The following MGAT4C variants were observed in gnomAD, a reference collection of about 807,000 sequenced individuals.
MGAT4C encodes alpha-1,3-mannosyl-glycoprotein 4-beta-N-acetylglucosaminyltransferase C.
A neutral mutation model predicts 40.1 loss-of-function variants in MGAT4C; 19 were observed. The ratio of observed to expected loss-of-function variants is 0.47; its 90% CI spans 0.33 to 0.70. The LOEUF (loss-of-function observed/expected upper bound fraction) is 0.70. Among genes scored for constraint, MGAT4C ranks in the 30% least tolerant of loss-of-function variants. The pLI is 0.02. For missense variants in MGAT4C, 491 were observed against 563.2 expected, an observed-to-expected ratio of 0.87 and a Z score of 1.30; for synonymous variants, 181 against 187.1, an observed-to-expected ratio of 0.97 and a Z score of 0.27.
intron 2 of MGAT4C, among the ~76,000 whole-genome samples, chr12:86,479,645 T>G (rs1033118354): frequency 2.0e-5 from 3 of 151,972 alleles, no homozygotes; most frequent in Admixed American, 6.6e-5. Flanking sequence ...TGAATGACTA[T>G]AGTTATAAAA....
chr12:86,440,097 AAG>A (rs1957201349), intron 2 of MGAT4C, among the ~76,000 whole-genome samples: 1 of 152,150 alleles, frequency 6.6e-6, no homozygotes, highest in Admixed American at 6.6e-5. Context: ...ATGATTGAGA[AAG>A]AGGGAATATT....
At chr12:86,044,356 T>C (rs1425166501) in intron 2 of MGAT4C, among the ~76,000 whole-genome samples, 1 of 152,206 alleles carries the variant, frequency 6.6e-6, no homozygotes, top group Non-Finnish European at 1.5e-5. Context: ...TGTTTGCACA[T>C]GCCAGCAGCA....
chr12:86,281,104 G>A (rs1371786439), intron 4 of MGAT4C, among the ~76,000 whole-genome samples: 1 of 151,856 alleles, frequency 6.6e-6, no homozygotes, highest in Admixed American at 6.6e-5. Flanking sequence ...ATACATTTTT[G>A]TTATTTCCTT....
chr12:86,311,756 G>C (rs774897569), intron 4 of MGAT4C, among the ~76,000 whole-genome samples: 46 of 152,216 alleles, frequency 3.0e-4, no homozygotes, highest in Non-Finnish European at 5.3e-4. Flanking sequence ...CTGGGGCTTA[G>C]AGTCTTTGTC....
intron 1 of MGAT4C, among the ~76,000 whole-genome samples, chr12:86,756,020 A>C (rs1212089959): frequency 2.0e-5 from 3 of 151,794 alleles, no homozygotes; most frequent in African/African-American, 7.2e-5. Context: ...TATAATTTTT[A>C]AAGTTTTTTA....
rs1032260476 is a variant in MGAT4C, at chr12:85,962,940, T to C, written c.*16349A>G. The C allele has an allele frequency of 5.3e-5, 8 of 151,856 alleles. No individual in the cohort carries two copies. Among genetic ancestry groups the C allele is most frequent in the African/African-American group, 1.9e-4 (8 of 41,552 alleles). 9.4% of individuals were successfully genotyped at this position (151,856 alleles called of 1,614,324 possible). ...GATAATGAAATATACTTTTCTTACC[T>C]ACTTGCAAAAAAAATTACATAAACA... On this transcript the variant is annotated 3_prime_UTR_variant, in exon 5 of 5. Coordinates refer to ENST00000611864, the MANE Select transcript of MGAT4C (RefSeq NM_001351288.2).
At chr12:86,419,122 A>G (rs1488969663) in intron 3 of MGAT4C, among the ~76,000 whole-genome samples, 1 of 152,124 alleles carries the variant, frequency 6.6e-6, no homozygotes, top group Non-Finnish European at 1.5e-5. Context: ...AAAATATAAC[A>G]TTATTTCTCC....
chr12:86,812,831 A>G (rs1952503484), intron 1 of MGAT4C, among the ~76,000 whole-genome samples: 1 of 152,080 alleles, frequency 6.6e-6, no homozygotes, highest in South Asian at 2.1e-4. Context: ...GAGTAAGGAA[A>G]TATCAGGCCT....
intron 2 of MGAT4C, among the ~76,000 whole-genome samples, chr12:86,624,301 C>G (rs1565889623): frequency 6.6e-6 from 1 of 151,960 alleles, no homozygotes; most frequent in Non-Finnish European, 1.5e-5. Flanking sequence ...TTGTGTGTAC[C>G]CAGAAAAATA....
intron 4 of MGAT4C, among the ~76,000 whole-genome samples, chr12:86,285,526 A>G (rs986609886): frequency 7.2e-5 from 11 of 152,084 alleles, no homozygotes; most frequent in Admixed American, 3.9e-4. Context: ...GGAGCTTTCC[A>G]ACTATCAAAT....
At chr12:86,515,588 G>A (rs561102304) in intron 2 of MGAT4C, among the ~76,000 whole-genome samples, 21 of 152,034 alleles carry the variant, frequency 1.4e-4, no homozygotes, top group Middle Eastern at 3.4e-3. Flanking sequence ...AAAATACTTA[G>A]AAATAACTAC....
intron 1 of MGAT4C, among the ~76,000 whole-genome samples, chr12:86,088,724 A>G (rs1872358427): frequency 6.6e-6 from 1 of 152,012 alleles, no homozygotes; most frequent in Non-Finnish European, 1.5e-5. Flanking sequence ...TAGGGCTACT[A>G]TTAAAAGTGC....
At chr12:86,715,853 T>C (rs867690602) in intron 2 of MGAT4C, among the ~76,000 whole-genome samples, 17 of 152,262 alleles carry the variant, frequency 1.1e-4, no homozygotes, top group South Asian at 2.1e-4. Context: ...AGGGAAAATA[T>C]TGGGCTTTTA....
intron 2 of MGAT4C, among the ~76,000 whole-genome samples, chr12:86,025,425 A>G (rs1443443183): frequency 6.6e-6 from 1 of 151,746 alleles, no homozygotes. Flanking sequence ...ATATTTCTCT[A>G]TGGCTATTCC....
chr12:86,788,207 C>A (rs1263171260), intron 1 of MGAT4C, among the ~76,000 whole-genome samples: 1 of 150,322 alleles, frequency 6.7e-6, no homozygotes, highest in African/African-American at 2.4e-5. Flanking sequence ...CATAGGATAT[C>A]AAATTAAGGG....
At chr12:86,345,244 T>C (rs1270629397) in intron 3 of MGAT4C, among the ~76,000 whole-genome samples, 1 of 151,904 alleles carries the variant, frequency 6.6e-6, no homozygotes, top group Non-Finnish European at 1.5e-5. Flanking sequence ...ATGCTCACTT[T>C]CTTATTTATT....
chr12:86,298,684 A>G (rs1328199910), intron 4 of MGAT4C, among the ~76,000 whole-genome samples: 2 of 152,152 alleles, frequency 1.3e-5, no homozygotes, highest in African/African-American at 4.8e-5. Flanking sequence ...TAAAATTCTT[A>G]TATTAAGTTG....
intron 3 of MGAT4C, among the ~76,000 whole-genome samples, chr12:86,433,357 C>A (rs111893821): frequency 4.7e-5 from 7 of 150,204 alleles, no homozygotes; most frequent in Middle Eastern, 3.5e-3. Flanking sequence ...TGTGTGTGTG[C>A]ATATATATAT....
intron 3 of MGAT4C, among the ~76,000 whole-genome samples, chr12:86,373,150 G>A (rs1955754036): frequency 6.6e-6 from 1 of 151,854 alleles, no homozygotes; most frequent in African/African-American, 2.4e-5. Context: ...TGAGAAGTCT[G>A]AAGCTAAGAG....
Sources: gnomAD v4.1 joint callset for allele counts (sites outside exome capture counted in the v4.1 genomes callset) on GRCh38, gnomAD v4.1.1 for gene constraint, MANE v1.5 for transcripts, NCBI Gene and HGNC (gene_info 2026-07-23, HGNC 2026-07-21) for gene names.